The following WWOX variants were observed in gnomAD, a reference collection of about 807,000 sequenced individuals.
WWOX encodes the protein WW domain-containing oxidoreductase.
A neutral mutation model predicts 46.2 loss-of-function variants in WWOX; 69 were observed. The ratio of observed to expected loss-of-function variants is 1.49; its 90% confidence interval spans 1.23 to 1.82. The LOEUF is 1.82. Ranked by LOEUF, WWOX falls within the 40% of genes most tolerant of loss-of-function variation. The probability of loss-of-function intolerance (pLI) is 0.00; values close to 1 mark genes in which losing one functional copy is unlikely to be tolerated. For missense variants in WWOX, 919 were observed against 542.6 expected, an observed-to-expected ratio of 1.69 and a Z score of -6.89; for synonymous variants, 359 against 202.6, an observed-to-expected ratio of 1.77 and a Z score of -6.56.
At chr16:78,850,752 A>G (rs867887318) in intron 8 of WWOX, among the ~76,000 whole-genome samples, 3 of 152,310 alleles carry the variant, frequency 2.0e-5, no homozygotes, top group Middle Eastern at 3.4e-3. Flanking sequence ...TTCAAAAAAG[A>G]ACCCAATCTT....
intron 6 of WWOX, among the ~76,000 whole-genome samples, chr16:78,407,903 T>C (rs1221739708): frequency 3.9e-5 from 6 of 152,218 alleles, no homozygotes; most frequent in African/African-American, 9.6e-5. Context: ...CATTTGCACA[T>C]ACAGATTATG....
intron 5 of WWOX, among the ~76,000 whole-genome samples, chr16:78,201,220 C>G (rs2036219753): frequency 6.6e-6 from 1 of 152,130 alleles, no homozygotes; most frequent in Non-Finnish European, 1.5e-5. Flanking sequence ...GGAATTTCAA[C>G]TAAGAACCAA....
At chr16:78,548,333 G>C (rs1157144383) in intron 8 of WWOX, among the ~76,000 whole-genome samples, 1 of 101,868 alleles carries the variant, frequency 9.8e-6, no homozygotes, top group Admixed American at 1.2e-4. Context: ...ATTAATTTTT[G>C]TTCCTAAAGA....
chr16:78,352,971 C>G (rs910730148), intron 5 of WWOX, among the ~76,000 whole-genome samples: 3 of 152,162 alleles, frequency 2.0e-5, no homozygotes, highest in Non-Finnish European at 4.4e-5. Context: ...AAATATTTCT[C>G]TCACTTACTT....
rs116719773 is a variant in WWOX, at chr16:78,972,032, C to T, written c.1057-239576C>T. Among the ~76,000 whole-genome samples the T allele has an allele frequency of 8.3e-3, 1,267 of 152,278 alleles. 17 individuals are homozygous for T. The highest frequency in any genetic ancestry group is 0.029 in the African/African-American group (1,226 of 41,562). ...GTTTACTCCGAAACTTCTTGCTCCA[C>T]CTGTCACTTTAGAAGACCCTGATCT... On this transcript the variant is annotated intron_variant, in intron 8 of 8. Coordinates refer to ENST00000566780, the MANE Select transcript of WWOX (RefSeq NM_016373.4).
chr16:79,031,879 C>CAGATATCTATATAGAT (rs1567501138), intron 8 of WWOX, among the ~76,000 whole-genome samples: 16 of 49,020 alleles, frequency 3.3e-4, no homozygotes, highest in African/African-American at 6.9e-4. Flanking sequence ...TATCTATATA[C>CAGATATCTATATAGAT]AGATATCTGT....
chr16:79,010,417 C>G (rs1360061729), intron 8 of WWOX, among the ~76,000 whole-genome samples: 4 of 152,226 alleles, frequency 2.6e-5, no homozygotes, highest in African/African-American at 7.2e-5. Context: ...GTTTGCTAAT[C>G]AAGTGAACAC....
chr16:78,937,833 G>T (rs1460783095), intron 8 of WWOX, among the ~76,000 whole-genome samples: 1 of 151,942 alleles, frequency 6.6e-6, no homozygotes, highest in African/African-American at 2.4e-5. Flanking sequence ...TTACTATGTT[G>T]GCCAGGCTGG....
chr16:78,695,373 A>G (rs890873483), intron 8 of WWOX, among the ~76,000 whole-genome samples: 1 of 152,148 alleles, frequency 6.6e-6, no homozygotes, highest in African/African-American at 2.4e-5. Flanking sequence ...GCAGGAAACA[A>G]TGAATGAGTT....
chr16:79,194,889 C>G (rs2051208394), intron 8 of WWOX, among the ~76,000 whole-genome samples: 1 of 152,100 alleles, frequency 6.6e-6, no homozygotes, highest in South Asian at 2.1e-4. Flanking sequence ...TTTTTTCCCC[C>G]ATGCCATACT....
At chr16:79,051,595 A>G (rs928055905) in intron 8 of WWOX, among the ~76,000 whole-genome samples, 3 of 152,200 alleles carry the variant, frequency 2.0e-5, no homozygotes, top group Admixed American at 2.0e-4. Flanking sequence ...GAGCGTCAAC[A>G]TTAGTGAACA....
chr16:78,888,835 T>G (rs186291420), intron 8 of WWOX, among the ~76,000 whole-genome samples: 1 of 152,086 alleles, frequency 6.6e-6, no homozygotes, highest in Non-Finnish European at 1.5e-5. Context: ...TAATTCATAG[T>G]CTCAACTATG....
intron 5 of WWOX, among the ~76,000 whole-genome samples, chr16:78,176,169 A>C (rs139427465): frequency 1.8e-3 from 273 of 152,212 alleles, no homozygotes; most frequent in Non-Finnish European, 3.0e-3. Context: ...TCCGAGTTCC[A>C]CTGGCTGCAT....
At chr16:78,186,891 G>C (rs902910505) in intron 5 of WWOX, among the ~76,000 whole-genome samples, 3 of 152,162 alleles carry the variant, frequency 2.0e-5, no homozygotes, top group South Asian at 2.1e-4. Flanking sequence ...CCCAGTGATA[G>C]TCACAGCATA....
intron 5 of WWOX, among the ~76,000 whole-genome samples, chr16:78,263,741 T>A (rs2079297803): frequency 6.6e-6 from 1 of 152,150 alleles, no homozygotes; most frequent in African/African-American, 2.4e-5. Context: ...GAGCCAGAAC[T>A]TCCCAGAGAT....
chr16:78,749,949 T>C (rs1372456209), intron 8 of WWOX, among the ~76,000 whole-genome samples: 1 of 152,192 alleles, frequency 6.6e-6, no homozygotes, highest in Non-Finnish European at 1.5e-5. Flanking sequence ...TCTTGCACTG[T>C]TTACAAGTCA....
intron 8 of WWOX, among the ~76,000 whole-genome samples, chr16:78,501,008 T>C (rs1293758097): frequency 6.6e-6 from 1 of 152,102 alleles, no homozygotes; most frequent in Non-Finnish European, 1.5e-5. Context: ...ATGTTTCACT[T>C]TGCTGGGGTG....
At chr16:78,569,843 A>C (rs2044669053) in intron 8 of WWOX, among the ~76,000 whole-genome samples, 1 of 152,184 alleles carries the variant, frequency 6.6e-6, no homozygotes, top group Non-Finnish European at 1.5e-5. Context: ...TCGTAATATG[A>C]TGTGACCTCA....
intron 5 of WWOX, among the ~76,000 whole-genome samples, chr16:78,318,928 C>T (rs895313884): frequency 9.2e-5 from 14 of 152,038 alleles, no homozygotes; most frequent in African/African-American, 2.9e-4. Context: ...AGGATGTCTG[C>T]GTCCTAATCC....
Sources: gnomAD v4.1 joint callset for allele counts (sites outside exome capture counted in the v4.1 genomes callset) on GRCh38, gnomAD v4.1.1 for gene constraint, MANE v1.5 for transcripts, NCBI Gene and HGNC (gene_info 2026-07-23, HGNC 2026-07-21) for gene names.